Variants in PARP15 observed in about 807,000 individuals in gnomAD.
PARP15 encodes poly(ADP-ribose) polymerase family member 15.
In PARP15, 50 loss-of-function variants were observed where a neutral mutation model predicts 62.1. The observed-to-expected ratio is 0.81, with a 90% CI of 0.64 to 1.02. The LOEUF (loss-of-function observed/expected upper bound fraction) is 1.02, where lower values mean the gene tolerates loss of function less well. Among genes scored for constraint, PARP15 ranks in the 50% least tolerant of loss-of-function variants. The probability of loss-of-function intolerance (pLI) is 0.00; values close to 1 mark genes in which losing one functional copy is unlikely to be tolerated. For missense variants in PARP15, 820 were observed against 826.5 expected, an observed-to-expected ratio of 0.99 and a Z score of 0.10; for synonymous variants, 309 against 293.1, an observed-to-expected ratio of 1.05 and a Z score of -0.55.
chr3:122,599,981 A>G (rs1054226496), intron 1 of PARP15, among the ~76,000 whole-genome samples: 4 of 152,246 alleles, frequency 2.6e-5, no homozygotes, highest in Admixed American at 1.3e-4. Flanking sequence ...CCCAATAAAT[A>G]AAGCTATTAT....
At chr3:122,615,121 G>T (rs1935867437) in intron 4 of PARP15, 2 of 983,918 alleles carry the variant, frequency 2.0e-6, no homozygotes, top group African/African-American at 1.8e-5. Context: ...TGAAAAGAAA[G>T]AAAATGGATG....
chr3:122,598,189 C>T (rs1934505441), intron 1 of PARP15, among the ~76,000 whole-genome samples: 1 of 152,150 alleles, frequency 6.6e-6, no homozygotes, highest in African/African-American at 2.4e-5. Context: ...CTCTACCAGC[C>T]TGCCTCCTCA....
At chr3:122,630,187 C>T (rs1417489474) in intron 9 of PARP15, among the ~76,000 whole-genome samples, 1 of 152,172 alleles carries the variant, frequency 6.6e-6, no homozygotes, top group African/African-American at 2.4e-5. Flanking sequence ...AACAGTGCTC[C>T]TTACTTTGAT....
Position 122,638,960 on chromosome 3 carries a change from AATC to A in PARP15, c.*2866_*2868del, listed in dbSNP as rs1437600032. 4.6e-5 allele frequency: 7 copies of A among 152,182 alleles called. No homozygotes were observed. The highest frequency in any genetic ancestry group is 6.5e-5 in the Admixed American group (1 of 15,268). 9.4% of individuals were successfully genotyped at this position (152,182 alleles called of 1,614,324 possible). ...AGAATTATAAAGTTTTTAAAAATGT[AATC>A]ATCATTATTTATAGTTTAATAATCA... is the stretch of plus-strand genomic sequence containing the variant. On this transcript the variant is annotated 3_prime_UTR_variant, in exon 12 of 12. Transcript: ENST00000464300.
At chr3:122,625,105 AC>A (rs1936619793) in intron 8 of PARP15, among the ~76,000 whole-genome samples, 1 of 151,644 alleles carries the variant, frequency 6.6e-6, no homozygotes, top group South Asian at 2.1e-4. Context: ...TTCTATTATT[AC>A]CCCCAATTTC....
intron 4 of PARP15, among the ~76,000 whole-genome samples, chr3:122,613,711 CACTA>C (rs1347654551): frequency 6.6e-6 from 1 of 151,374 alleles, no homozygotes; most frequent in East Asian, 2.0e-4. Context: ...AGTCAAGGCA[CACTA>C]ACTAAGTAGT....
intron 5 of PARP15, 122 bp from the exon 6 acceptor site, chr3:122,616,893 T>G (rs929560998): frequency 3.0e-5 from 32 of 1,084,320 alleles, no homozygotes; most frequent in Non-Finnish European, 4.2e-5. Flanking sequence ...GTGGCAATAT[T>G]TCGGTTTATG....
intron 1 of PARP15, among the ~76,000 whole-genome samples, chr3:122,578,956 C>T (rs2080742225): frequency 1.3e-5 from 2 of 152,158 alleles, no homozygotes; most frequent in South Asian, 4.1e-4. Context: ...TTCATATCCT[C>T]TTAAGGAAAA....
Position 122,609,696 on chromosome 3 carries a change from T to TA in PARP15, c.307-785dup, listed in dbSNP as rs570484915. Among the ~76,000 whole-genome samples, 241 of 129,672 alleles carry TA rather than the reference T, an allele frequency of 1.9e-3. 1 individual carries two copies. Among genetic ancestry groups the TA allele is most frequent in the African/African-American group, 4.8e-3 (143 of 29,696 alleles). 85.1% of individuals were successfully genotyped at this position (129,672 alleles called of 152,430 possible). A position where few individuals can be genotyped will look rare whatever the true frequency, so the allele number is the denominator to read the frequency against. On this transcript the variant is annotated intron_variant, in intron 2 of 11. Coordinates refer to ENST00000464300, the MANE Select transcript of PARP15 (RefSeq NM_001113523.3). ...CCTGGGAACAGATCGAAATCGTGTTTAAAAAAAAAAAAATTAAAAAAAAAA... is the reference window on the plus strand; with the variant it reads ...CCTGGGAACAGATCGAAATCGTGTTTAAAAAAAAAAAAAATTAAAAAAAAAA...
chr3:122,626,710 T>C (rs1403837655), intron 8 of PARP15, 117 bp from the exon 9 acceptor site: 2 of 852,510 alleles, frequency 2.3e-6, no homozygotes, highest in East Asian at 5.3e-5. Flanking sequence ...GAGTGTCAGA[T>C]CAATTCCTGG....
chr3:122,620,059 G>A (rs533490965), intron 7 of PARP15, among the ~76,000 whole-genome samples: 5 of 152,260 alleles, frequency 3.3e-5, no homozygotes, highest in African/African-American at 1.2e-4. Context: ...TACTTCCTGA[G>A]TAGTAAAAAG....
At chr3:122,603,263 GAGA>G (rs1166201425) in intron 1 of PARP15, among the ~76,000 whole-genome samples, 2 of 152,166 alleles carry the variant, frequency 1.3e-5, no homozygotes, top group Non-Finnish European at 2.9e-5. Flanking sequence ...ATCACAGGAT[GAGA>G]AGTTGTCACT....
intron 3 of PARP15, 55 bp from the exon 4 acceptor site, chr3:122,612,984 TTC>T: frequency 7.0e-7 from 1 of 1,438,724 alleles, no homozygotes; most frequent in Non-Finnish European, 9.5e-7. Context: ...CCACAACTCT[TTC>T]TGTTTTCCGC....
At chr3:122,617,909 T>A (rs942550013) in intron 6 of PARP15, among the ~76,000 whole-genome samples, 3 of 150,378 alleles carry the variant, frequency 2.0e-5, no homozygotes, top group East Asian at 3.8e-4. Flanking sequence ...TTATTTATTT[T>A]TTAGTAGAGA....
At chr3:122,603,849 C>T (rs1934980505) in intron 1 of PARP15, among the ~76,000 whole-genome samples, 1 of 152,098 alleles carries the variant, frequency 6.6e-6, no homozygotes, top group South Asian at 2.1e-4. Flanking sequence ...GAAAAATAAT[C>T]AAAGACAATT....
chr3:122,618,064 C>T (rs1202800603), intron 6 of PARP15, among the ~76,000 whole-genome samples: 1 of 152,038 alleles, frequency 6.6e-6, no homozygotes, highest in East Asian at 1.9e-4. Context: ...AAAATGTTGA[C>T]TTTTAAATTA....
intron 1 of PARP15, among the ~76,000 whole-genome samples, chr3:122,586,228 AT>A (rs11355173): frequency 0.57 from 85,487 of 151,282 alleles, 24,817 homozygotes; most frequent in South Asian, 0.66. Flanking sequence ...TGTTAAACGT[AT>A]TTTTTTTTTT....
intron 1 of PARP15, among the ~76,000 whole-genome samples, chr3:122,581,387 T>C (rs1251821689): frequency 6.6e-6 from 1 of 152,200 alleles, no homozygotes; most frequent in African/African-American, 2.4e-5. Flanking sequence ...TTATTTTCTT[T>C]CTTCCTTCCT....
intron 1 of PARP15, 138 bp downstream of exon 1, chr3:122,577,991 A>T: frequency 1.2e-6 from 1 of 802,746 alleles, no homozygotes; most frequent in East Asian, 3.2e-5. Flanking sequence ...GACTACACTG[A>T]CTTCCCTGTT....
Sources: gnomAD v4.1 joint callset for allele counts (sites outside exome capture counted in the v4.1 genomes callset) on GRCh38, gnomAD v4.1.1 for gene constraint, MANE v1.5 for transcripts, NCBI Gene and HGNC (gene_info 2026-07-23, HGNC 2026-07-21) for gene names.